The following SEM1 variants were observed in gnomAD, a reference collection of about 807,000 sequenced individuals.
The protein encoded by SEM1 is 26S proteasome complex subunit SEM1.
Under a neutral mutation model 12.7 loss-of-function variants are expected in SEM1, and 3 were observed. The ratio of observed to expected loss-of-function variants is 0.24; its 90% CI spans 0.11 to 0.61. SEM1 has a LOEUF of 0.61. SEM1 is among the 20% of genes least tolerant of loss of function. The probability of loss-of-function intolerance (pLI) is 0.88; values close to 1 mark genes in which losing one functional copy is unlikely to be tolerated. For missense variants in SEM1, 59 were observed against 81.3 expected (o/e 0.73, Z 1.06); for synonymous variants, 30 against 27.8 (o/e 1.08, Z -0.25).
At chr7:96,585,338 C>A (rs1287385004) in intron 2 of SEM1, among the ~76,000 whole-genome samples, 1 of 152,208 alleles carries the variant, frequency 6.6e-6, no homozygotes. Flanking sequence ...CAGATCCCAG[C>A]TTCGTGCTGG....
chr7:96,558,545 AAAG>A (rs1805599787), intron 2 of SEM1, among the ~76,000 whole-genome samples: 1 of 152,194 alleles, frequency 6.6e-6, no homozygotes, highest in South Asian at 2.1e-4. Flanking sequence ...CAGTAAAGTT[AAAG>A]AAGAGAATGA....
At chr7:96,485,752 G>A (rs536655098) in intron 2 of SEM1, among the ~76,000 whole-genome samples, 2 of 151,912 alleles carry the variant, frequency 1.3e-5, no homozygotes, top group African/African-American at 4.8e-5. Flanking sequence ...ATGTTGGCCA[G>A]GTTGGTCTTG....
chr7:96,575,878 A>T (rs1806189096), intron 2 of SEM1, among the ~76,000 whole-genome samples: 1 of 152,224 alleles, frequency 6.6e-6, no homozygotes, highest in African/African-American at 2.4e-5. Flanking sequence ...TAACTCACCA[A>T]AAAAGGAAAT....
At chr7:96,706,290 T>C (rs1790459665) in intron 1 of SEM1, 1 of 152,098 alleles carries the variant, frequency 6.6e-6, no homozygotes, top group African/African-American at 2.4e-5. Context: ...TATGCTGACA[T>C]GGTGCCTCAC....
intron 2 of SEM1, among the ~76,000 whole-genome samples, chr7:96,582,912 T>C (rs1401878139): frequency 6.6e-6 from 1 of 152,348 alleles, no homozygotes; most frequent in East Asian, 1.9e-4. Context: ...GTTGATCCTT[T>C]CAAAAAACCA....
chr7:96,630,178 G>A (rs1808203060), intron 2 of SEM1, among the ~76,000 whole-genome samples: 1 of 152,216 alleles, frequency 6.6e-6, no homozygotes, highest in African/African-American at 2.4e-5. Context: ...ACACTTAGCA[G>A]GTGGTAAAGC....
chr7:96,578,549 A>T (rs930676158), intron 2 of SEM1, among the ~76,000 whole-genome samples: 1 of 152,208 alleles, frequency 6.6e-6, no homozygotes, highest in East Asian at 1.9e-4. Context: ...TATTTTCTTA[A>T]AAAACAAAAA....
At chr7:96,503,576 A>G (rs1240586717) in intron 3 of SEM1, 1 of 152,164 alleles carries the variant, frequency 6.6e-6, no homozygotes, top group Non-Finnish European at 1.5e-5. Flanking sequence ...ATGTCCCTGG[A>G]AGTTTATATT....
At chr7:96,674,427 G>C (rs1789401234) in intron 2 of SEM1, among the ~76,000 whole-genome samples, 1 of 152,106 alleles carries the variant, frequency 6.6e-6, no homozygotes, top group South Asian at 2.1e-4. Flanking sequence ...GCCTAGGCAA[G>C]AGGGGGATCA....
At chr7:96,676,718 A>G (rs76725583) in intron 2 of SEM1, among the ~76,000 whole-genome samples, 1,841 of 152,214 alleles carry the variant, frequency 0.012, 45 homozygotes, top group African/African-American at 0.042. Context: ...TACATTTCCC[A>G]TATCTTTTTC....
chr7:96,684,573 G>A (rs1789707891), downstream of SEM1, among the ~76,000 whole-genome samples: 1 of 152,114 alleles, frequency 6.6e-6, no homozygotes, highest in Non-Finnish European at 1.5e-5. Context: ...ATTTGAGGCA[G>A]AGTTGATAGG....
In SEM1 at chr7:96,703,738, T is replaced by C. The variant is rs577085004; in HGVS notation, c.76+5950A>G. 2.6e-5 allele frequency among the ~76,000 whole-genome samples: 4 copies of C among 152,124 alleles called. No homozygotes were observed. The East Asian group carries it at 7.7e-4, about 29-fold the overall frequency. ...CTGATGGGAAGACTGCTGAGGCCATTAGTTCAGTACCAGCCTGGGCAACAT... is the reference window on the plus strand; with the variant it reads ...CTGATGGGAAGACTGCTGAGGCCATCAGTTCAGTACCAGCCTGGGCAACAT... On this transcript the variant is annotated intron_variant, in intron 1 of 2. Coordinates refer to ENST00000248566, the MANE Select transcript of SEM1 (RefSeq NM_006304.2).
chr7:96,657,876 G>A (rs765664582), intron 2 of SEM1, among the ~76,000 whole-genome samples: 10 of 152,228 alleles, frequency 6.6e-5, no homozygotes, highest in Non-Finnish European at 1.0e-4. Flanking sequence ...TCTGAAAGGC[G>A]CCTGGTGGGG....
At chr7:96,544,279 T>G (rs932490671) in intron 2 of SEM1, among the ~76,000 whole-genome samples, 4 of 152,022 alleles carry the variant, frequency 2.6e-5, no homozygotes, top group Non-Finnish European at 5.9e-5. Flanking sequence ...AGTTTTCATC[T>G]CTAATAACAG....
At chr7:96,572,898 T>G (rs184986724) in intron 2 of SEM1, among the ~76,000 whole-genome samples, 4 of 152,284 alleles carry the variant, frequency 2.6e-5, no homozygotes, top group Non-Finnish European at 5.9e-5. Flanking sequence ...AGTCTCCCAC[T>G]ATTATTTTGT....
chr7:96,496,910 A>G (rs1405412503), upstream of SEM1, among the ~76,000 whole-genome samples: 4 of 152,010 alleles, frequency 2.6e-5, no homozygotes, highest in Admixed American at 2.6e-4. Flanking sequence ...CAAGTATAAA[A>G]TATTTATTTA....
chr7:96,631,501 G>A (rs1808260031), intron 2 of SEM1, among the ~76,000 whole-genome samples: 1 of 149,110 alleles, frequency 6.7e-6, no homozygotes, highest in Non-Finnish European at 1.5e-5. Context: ...ATGAGGGAGG[G>A]GTGGTGTCGG....
At chr7:96,500,612 G>C (rs925515460), upstream of SEM1, among the ~76,000 whole-genome samples, 1 of 152,084 alleles carries the variant, frequency 6.6e-6, no homozygotes, top group African/African-American at 2.4e-5. Context: ...TCCGTAAATG[G>C]ATTCCAGTTT....
downstream of SEM1, among the ~76,000 whole-genome samples, chr7:96,669,619 A>G (rs1367486320): frequency 2.0e-5 from 3 of 152,190 alleles, no homozygotes; most frequent in Non-Finnish European, 4.4e-5. Flanking sequence ...GGTCAAAAGC[A>G]TGACAGAAAA....
Sources: gnomAD v4.1 joint callset for allele counts (sites outside exome capture counted in the v4.1 genomes callset) on GRCh38, gnomAD v4.1.1 for gene constraint, MANE v1.5 for transcripts, NCBI Gene and HGNC (gene_info 2026-07-23, HGNC 2026-07-21) for gene names.